Variants in RRBP1 observed in about 807,000 individuals in gnomAD.
RRBP1 encodes the protein ribosome binding protein 1, also known as ribosome-binding protein 1.
RRBP1 carries 94 observed loss-of-function variants against 165.2 expected under a neutral mutation model. That is an observed-to-expected ratio of 0.57 (90% CI 0.48 to 0.68). The LOEUF is 0.68. Ranked by LOEUF, RRBP1 falls within the 30% of genes least tolerant of loss-of-function variation. The pLI is 0.00. For synonymous variants in RRBP1, 680 were observed against 714.5 expected, an observed-to-expected ratio of 0.95 and a Z score of 0.77; for missense variants, 1,676 against 1,763.0, an observed-to-expected ratio of 0.95 and a Z score of 0.88.
chr20:17,677,305 A>G (rs1344954339), intron 2 of RRBP1, among the ~76,000 whole-genome samples: 1 of 152,206 alleles, frequency 6.6e-6, no homozygotes, highest in African/African-American at 2.4e-5. Context: ...TTTTATTCCA[A>G]CTTTTGAGTC....
intron 5 of RRBP1, 85 bp downstream of exon 5, chr20:17,641,712 G>A (rs1023804718): frequency 3.3e-5 from 50 of 1,535,640 alleles, no homozygotes; most frequent in South Asian, 1.0e-4. Flanking sequence ...CCAGCATCTC[G>A]GAGCCCGGGA....
At chr20:17,618,779 A>G (rs45551943) in intron 19 of RRBP1, 100 bp from the exon 20 acceptor site, 2 of 882,522 alleles carry the variant, frequency 2.3e-6, no homozygotes, top group Non-Finnish European at 3.7e-6. Flanking sequence ...TAACACATCC[A>G]CTTAACCAAA....
chr20:17,655,816 T>A (rs576761366), intron 3 of RRBP1, among the ~76,000 whole-genome samples: 1 of 152,402 alleles, frequency 6.6e-6, no homozygotes, highest in African/African-American at 2.4e-5. Context: ...GGTTTTTAAA[T>A]AAAGCTTATT....
chr20:17,629,240 C>T (rs929691585), intron 9 of RRBP1, among the ~76,000 whole-genome samples: 12 of 152,200 alleles, frequency 7.9e-5, no homozygotes, highest in African/African-American at 2.7e-4. Context: ...GCTCGGGAAG[C>T]GCCAGTGAGC....
rs765267783 is a variant in RRBP1, at chr20:17,627,372, G to A, written c.2939C>T (p.Ala980Val). ...RDAQDVQASQAEADQQQTRLK... is the reference protein window; with the variant it reads ...RDAQDVQASQVEADQQQTRLK... Reference sequence around the variant, plus strand: ...CCGAGTCTGCTGCTGGTCAGCCTCCGCCTGGCTGGCCTGGAATGAGAGACA... The same window carrying A: ...CCGAGTCTGCTGCTGGTCAGCCTCCACCTGGCTGGCCTGGAATGAGAGACA... The change falls in exon 11 of 25, where the codon GCG becomes GTG. Residue 980 changes from alanine (A) to valine (V), a missense_variant. Physicochemically the swap from Ala to Val is moderately conservative, Grantham distance 64. Transcript: ENST00000377813. 15 of 1,613,748 alleles carry A rather than the reference G, an allele frequency of 9.3e-6. No homozygotes were observed. The highest frequency in any genetic ancestry group is 3.3e-5 in the South Asian group (3 of 91,028).
At position 17,615,421 on chromosome 20, in the gene RRBP1, C is replaced by T; in HGVS notation, c.4050+10G>A. ...CTCCAGGTGTGACCCCCGCCCCAGC[C>T]CCTGCCTGCCTTCAGCTGTGAGGCC... On this transcript the variant is annotated intron_variant, in intron 23 of 24. Transcript: ENST00000377813. The T allele has an allele frequency of 6.2e-7, 1 of 1,604,068 alleles. No homozygotes were observed. The highest frequency in any genetic ancestry group is 8.5e-7 in the Non-Finnish European group (1 of 1,174,728).
At chr20:17,663,732 G>A (rs1248282206) in intron 2 of RRBP1, among the ~76,000 whole-genome samples, 1 of 152,136 alleles carries the variant, frequency 6.6e-6, no homozygotes. Flanking sequence ...TCTCAAATTC[G>A]GTTCTCACAA....
intron 5 of RRBP1, among the ~76,000 whole-genome samples, chr20:17,637,784 T>C (rs1367919851): frequency 6.6e-6 from 1 of 152,144 alleles, no homozygotes; most frequent in Non-Finnish European, 1.5e-5. Flanking sequence ...AAGACAATCA[T>C]CTTTTTGGCT....
chr20:17,622,508 G>A (rs1375097394), intron 13 of RRBP1, among the ~76,000 whole-genome samples: 3 of 152,008 alleles, frequency 2.0e-5, no homozygotes, highest in East Asian at 3.9e-4. Flanking sequence ...CAGCCACCCT[G>A]GAGAGGGTGG....
rs2035767604 is a variant in RRBP1, at chr20:17,614,933, C to T, written c.4051-53G>A. 5 of 1,594,360 alleles carry T rather than the reference C, an allele frequency of 3.1e-6. No individual in the cohort carries two copies. The Admixed American group carries it at 8.4e-5, about 27-fold the overall frequency. On this transcript the variant is annotated intron_variant, in intron 23 of 24. Coordinates refer to ENST00000377813, the MANE Select transcript of RRBP1 (RefSeq NM_001365613.2). ...AGCCCTTGCACCGGCAGGAGGGCCA[C>T]CCCAGCTATGCCCACAGGACCCTGA...
At chr20:17,651,750 A>C (rs1411267052) in intron 3 of RRBP1, among the ~76,000 whole-genome samples, 2 of 152,258 alleles carry the variant, frequency 1.3e-5, no homozygotes, top group Non-Finnish European at 2.9e-5. Flanking sequence ...TGTTTGCTGG[A>C]AACACATATT....
At chr20:17,673,025 T>A (rs1426768885) in intron 2 of RRBP1, among the ~76,000 whole-genome samples, 1 of 152,248 alleles carries the variant, frequency 6.6e-6, no homozygotes, top group Non-Finnish European at 1.5e-5. Flanking sequence ...AGGTCAGGAA[T>A]AATCTATTTC....
At chr20:17,625,411 C>T (rs2035997647) in intron 12 of RRBP1, 101 bp downstream of exon 12, 3 of 1,007,562 alleles carry the variant, frequency 3.0e-6, no homozygotes, top group East Asian at 2.4e-5. Context: ...CAAGCTCAGC[C>T]CTCCCCCGAG....
intron 19 of RRBP1, 45 bp downstream of exon 19, chr20:17,619,588 C>T (rs768066429): frequency 7.0e-7 from 1 of 1,436,536 alleles, no homozygotes; most frequent in Non-Finnish European, 9.6e-7. Flanking sequence ...GGGAGGACCG[C>T]AGATCTGCTG....
intron 12 of RRBP1, among the ~76,000 whole-genome samples, chr20:17,624,924 C>T (rs1011103275): frequency 3.9e-5 from 6 of 152,182 alleles, no homozygotes; most frequent in Non-Finnish European, 8.8e-5. Flanking sequence ...ACACCACTAG[C>T]CAAAGGGAGG....
intron 21 of RRBP1, among the ~76,000 whole-genome samples, 173 bp downstream of exon 21, chr20:17,616,559 A>G (rs1207593840): frequency 6.6e-6 from 1 of 151,982 alleles, no homozygotes; most frequent in Non-Finnish European, 1.5e-5. Context: ...TTTCTGTTCC[A>G]TGCTCTGTGG....
chr20:17,616,174 C>T (rs1378091417), intron 21 of RRBP1, among the ~76,000 whole-genome samples, 165 bp from the exon 22 acceptor site: 2 of 152,166 alleles, frequency 1.3e-5, no homozygotes, highest in Admixed American at 1.3e-4. Flanking sequence ...GTACAGACTT[C>T]GGTGTGGCTC....
Position 17,619,086 on chromosome 20 carries a change from C to CTT in RRBP1, c.3676-409_3676-408dup, listed in dbSNP as rs11300437. On this transcript the variant is annotated intron_variant, in intron 19 of 24. Coordinates refer to ENST00000377813, the MANE Select transcript of RRBP1 (RefSeq NM_001365613.2). ...CGGAGGTGCCCACCAGTGTGCCTGGCTTTTTTTTTTTTTTTTGGTAGAGAT... is the reference window on the plus strand; with the variant it reads ...CGGAGGTGCCCACCAGTGTGCCTGGCTTTTTTTTTTTTTTTTTTGGTAGAGAT... 948 of 160,160 alleles carry CTT rather than the reference C, an allele frequency of 5.9e-3. 20 individuals are homozygous for CTT. In the East Asian group the frequency reaches 0.069, roughly 12 times the overall value. The allele number at this position is 160,160 out of a possible 1,614,324, so 9.9% of individuals were successfully genotyped here.
chr20:17,672,344 T>C lies in RRBP1; in HGVS notation c.-22+7655A>G, dbSNP rs768060508. On this transcript the variant is annotated intron_variant, in intron 2 of 24. Transcript: ENST00000377813. ...CAGGTTTATATTAGGAAATATCACCTGCTCATCAGCAATAAAATCTGACCC... is the reference window on the plus strand; with the variant it reads ...CAGGTTTATATTAGGAAATATCACCCGCTCATCAGCAATAAAATCTGACCC... Among the ~76,000 whole-genome samples, 5 of 152,360 alleles carry C rather than the reference T, an allele frequency of 3.3e-5. No homozygotes were observed. The East Asian group carries it at 7.7e-4, about 24-fold the overall frequency.
Sources: gnomAD v4.1 joint callset for allele counts (sites outside exome capture counted in the v4.1 genomes callset) on GRCh38, gnomAD v4.1.1 for gene constraint, MANE v1.5 for transcripts, NCBI Gene and HGNC (gene_info 2026-07-23, HGNC 2026-07-21) for gene names.